The following SEMA4D variants were observed in gnomAD, a reference collection of about 807,000 sequenced individuals.
SEMA4D encodes the protein semaphorin-4D.
SEMA4D carries 22 observed loss-of-function variants against 74.8 expected under a neutral mutation model. The observed-to-expected ratio is 0.29, with a 90% CI of 0.21 to 0.42. The LOEUF (loss-of-function observed/expected upper bound fraction) is 0.42, where lower values mean the gene tolerates loss of function less well. Ranked by LOEUF, SEMA4D falls within the 10% of genes least tolerant of loss-of-function variation. The probability of loss-of-function intolerance (pLI) is 1.00; values close to 1 mark genes in which losing one functional copy is unlikely to be tolerated. For synonymous variants in SEMA4D, 445 were observed against 463.7 expected (o/e 0.96, Z 0.52); for missense variants, 937 against 1,118.4 (o/e 0.84, Z 2.31).
rs28743146 is a variant in SEMA4D at position 89,363,721 on chromosome 9, T to C, written c.2092+20A>G. The C allele has an allele frequency of 1.1e-3, 1,811 of 1,608,038 alleles. 38 individuals carry two copies. In the East Asian group the frequency reaches 0.037, roughly 33 times the overall value. ...AAATTACCTCATAAAAGGGTAACAG[T>C]GGGCATGGGAATCACTTACCAGGTC... On this transcript the variant is annotated intron_variant, in intron 17 of 18. Coordinates refer to the SEMA4D transcript ENST00000339861.
intron 1 of SEMA4D, among the ~76,000 whole-genome samples, chr9:89,482,367 A>G (rs535314209): frequency 8.5e-5 from 13 of 152,314 alleles, no homozygotes; most frequent in Non-Finnish European, 1.2e-4. Flanking sequence ...GTCACAACGC[A>G]AAGAACAGCA....
At chr9:89,439,325 C>T (rs1287565022) in intron 2 of SEMA4D, among the ~76,000 whole-genome samples, 4 of 152,112 alleles carry the variant, frequency 2.6e-5, no homozygotes, top group African/African-American at 9.7e-5. Flanking sequence ...CAGTATGTTT[C>T]ACAATTTTCA....
intron 18 of SEMA4D, chr9:89,363,333 C>T (rs1302030011): frequency 6.5e-7 from 1 of 1,536,834 alleles, no homozygotes; most frequent in Non-Finnish European, 8.8e-7. Flanking sequence ...CAAGTGGGGT[C>T]CATGCTGAAT....
chr9:89,403,194 T>C (rs1226231658), intron 3 of SEMA4D, among the ~76,000 whole-genome samples, 178 bp from the exon 4 acceptor site: 1 of 152,168 alleles, frequency 6.6e-6, no homozygotes, highest in Non-Finnish European at 1.5e-5. Context: ...GTGGCCTCAG[T>C]CAACGCCAGA....
intron 9 of SEMA4D, 25 bp from the exon 10 acceptor site, chr9:89,389,072 G>C (rs1156324611): frequency 6.2e-7 from 1 of 1,613,106 alleles, no homozygotes; most frequent in African/African-American, 1.3e-5. Flanking sequence ...AGAAGACGTG[G>C]TGGGCCGAGA....
Position 89,492,129 on chromosome 9 carries a change from C to T in SEMA4D, c.-310+5790G>A, listed in dbSNP as rs955832480. Reference sequence around the variant, plus strand: ...GAAAAAGCAATAGGGTCCTGCTGTCCCAAATTCCCCTCCTTCCTTCTCTCA... The same window carrying T: ...GAAAAAGCAATAGGGTCCTGCTGTCTCAAATTCCCCTCCTTCCTTCTCTCA... On this transcript the variant is annotated intron_variant, in intron 1 of 15. Coordinates refer to ENST00000422704, the MANE Select transcript of SEMA4D (RefSeq NM_001371194.2). This position sits in a 1 kb window ranked among gnomAD's most constrained non-coding sequence, Gnocchi z 4.3. Among the ~76,000 whole-genome samples the T allele has an allele frequency of 6.6e-6, 1 of 152,142 alleles. No homozygotes were observed. Among genetic ancestry groups the T allele is most frequent in the Non-Finnish European group, 1.5e-5 (1 of 68,016 alleles).
chr9:89,391,548 A>C, intron 8 of SEMA4D, 133 bp from the exon 9 acceptor site: 2 of 802,430 alleles, frequency 2.5e-6, no homozygotes, highest in African/African-American at 1.7e-5. Flanking sequence ...GAGTGTGCAC[A>C]TGCCACAATC....
Position 89,392,535 on chromosome 9 carries a change from A to G in SEMA4D, c.510T>C (p.Asp170=), listed in dbSNP as rs374144974. The change falls in exon 8 of 16, where the codon GAT becomes GAC. Residue 170 remains aspartate (D), a splice_region_variant and synonymous_variant. Coordinates refer to ENST00000422704, the MANE Select transcript of SEMA4D (RefSeq NM_001371194.2). The stretch of plus-strand genomic sequence containing the variant: ...ACGACGTCCCCGAATAAAGTTCTCC[A>G]TCTGCAGGGGCCCAGAAGAAAAGAG... The part of the protein sequence containing the change: ...PAHSYTSVMV[D]GELYSGTSYN... 3.4e-5 allele frequency: 54 copies of G among 1,606,182 alleles called. 1 individual carries two copies. In the African/African-American group the frequency reaches 5.9e-4, roughly 17 times the overall value.
At chr9:89,458,746 C>T (rs1488849348) in intron 1 of SEMA4D, among the ~76,000 whole-genome samples, 12 of 152,042 alleles carry the variant, frequency 7.9e-5, no homozygotes, top group Admixed American at 6.5e-4. Flanking sequence ...CTCATGCACA[C>T]ACACACATAT....
At chr9:89,369,456 C>T (rs1834200962) in intron 16 of SEMA4D, 1 of 152,220 alleles carries the variant, frequency 6.6e-6, no homozygotes. Context: ...GGAAGATAGT[C>T]CTGGCAGAGG....
rs77206358 is a variant in SEMA4D, at chr9:89,379,778, G to A, written c.1664-149C>T. 9.3e-4 allele frequency: 924 copies of A among 995,908 alleles called. 3 individuals carry two copies. The highest frequency in any genetic ancestry group is 4.1e-3 in the East Asian group (160 of 38,590). 61.7% of individuals were successfully genotyped at this position (995,908 alleles called of 1,614,324 possible). On this transcript the variant is annotated intron_variant, in intron 15 of 15. Coordinates refer to ENST00000422704, the MANE Select transcript of SEMA4D (RefSeq NM_001371194.2). ...AACAACTAAGGAGATAAAGACATGC[G>A]TGACCAAAAAGCAAAGATGAGCCCT...
intron 1 of SEMA4D, among the ~76,000 whole-genome samples, chr9:89,476,135 C>T (rs1436718923): frequency 6.6e-6 from 1 of 152,202 alleles, no homozygotes; most frequent in African/African-American, 2.4e-5. Flanking sequence ...TGCCAACCTT[C>T]GGCCACCTCA....
At chr9:89,489,169 G>A (rs1458254454) in intron 1 of SEMA4D, among the ~76,000 whole-genome samples, 2 of 152,212 alleles carry the variant, frequency 1.3e-5, no homozygotes, top group Non-Finnish European at 2.9e-5. Context: ...TTAGCAGTGG[G>A]AACGTAAAAT....
intron 2 of SEMA4D, among the ~76,000 whole-genome samples, chr9:89,413,491 T>A (rs573455268): frequency 6.6e-6 from 1 of 152,354 alleles, no homozygotes; most frequent in African/African-American, 2.4e-5. Flanking sequence ...CGCATGTGCA[T>A]CTGTATTTCT....
intron 2 of SEMA4D, among the ~76,000 whole-genome samples, chr9:89,428,268 C>G (rs992292094): frequency 6.6e-6 from 1 of 152,240 alleles, no homozygotes; most frequent in Non-Finnish European, 1.5e-5. Flanking sequence ...AGGCGGCCCC[C>G]GCCATGGCCC....
intron 2 of SEMA4D, among the ~76,000 whole-genome samples, chr9:89,423,588 C>T (rs1029110952): frequency 1.3e-5 from 2 of 152,130 alleles, no homozygotes; most frequent in Admixed American, 6.5e-5. Flanking sequence ...GTGATAGCTG[C>T]AGTGCCGGCT....
At chr9:89,375,199 T>G (rs1238911762), downstream of SEMA4D, among the ~76,000 whole-genome samples, 1 of 152,198 alleles carries the variant, frequency 6.6e-6, no homozygotes, top group Non-Finnish European at 1.5e-5. Context: ...TTCCTGAGTC[T>G]GCCTGAAGGA....
chr9:89,413,707 G>A (rs971082413), intron 2 of SEMA4D, among the ~76,000 whole-genome samples: 2 of 152,228 alleles, frequency 1.3e-5, no homozygotes, highest in African/African-American at 4.8e-5. Flanking sequence ...GTGTATGCAT[G>A]GGCATCTGTG....
chr9:89,476,738 C>T (rs558019304), intron 1 of SEMA4D, among the ~76,000 whole-genome samples: 10 of 152,342 alleles, frequency 6.6e-5, no homozygotes, highest in South Asian at 2.1e-4. Flanking sequence ...CTGACCGACA[C>T]AATCAATCAG....
Sources: allele counts gnomAD v4.1 joint callset (sites outside exome capture counted in the v4.1 genomes callset), GRCh38; gene constraint gnomAD v4.1.1; non-coding constraint Gnocchi (gnomAD v3.1); transcripts MANE v1.5; gene names NCBI Gene and HGNC (gene_info 2026-07-23, HGNC 2026-07-21).